Variants in SDK2 observed in about 807,000 individuals in gnomAD.
SDK2 encodes the protein sidekick cell adhesion molecule 2, also known as protein sidekick-2.
In SDK2, 105 loss-of-function variants were observed where a neutral mutation model predicts 253.9. That is an observed-to-expected ratio of 0.41 (90% CI 0.35 to 0.49). The LOEUF is 0.49. Among genes scored for constraint, SDK2 ranks in the 20% least tolerant of loss-of-function variants. The pLI is 0.06. For missense variants in SDK2, 2,608 were observed against 3,003.0 expected (o/e 0.87, Z 3.07); for synonymous variants, 1,249 against 1,234.9 (o/e 1.01, Z -0.24).
chr17:73,545,862 C>T (rs796826444), intron 1 of SDK2, among the ~76,000 whole-genome samples: 2 of 152,206 alleles, frequency 1.3e-5, no homozygotes, highest in East Asian at 1.9e-4. Flanking sequence ...GTCTCTGAGG[C>T]GGCTGGGGTC....
intron 41 of SDK2, among the ~76,000 whole-genome samples, chr17:73,351,112 C>CT (rs11320990): frequency 6.7e-4 from 98 of 146,066 alleles, no homozygotes; most frequent in African/African-American, 1.1e-3. Context: ...ACTTTTTCCC[C>CT]TTTTTTTTTT....
At chr17:73,396,832 G>C (rs968770415) in intron 24 of SDK2, among the ~76,000 whole-genome samples, 1 of 152,250 alleles carries the variant, frequency 6.6e-6, no homozygotes, top group Admixed American at 6.5e-5. Flanking sequence ...TGGGAGCAAA[G>C]AGGCAGGAGG....
chr17:73,550,258 G>C (rs957346313), intron 1 of SDK2, among the ~76,000 whole-genome samples: 6 of 152,160 alleles, frequency 3.9e-5, no homozygotes, highest in African/African-American at 1.4e-4. Flanking sequence ...GGAGCCTCTG[G>C]TTCTCCCCGG....
intron 1 of SDK2, among the ~76,000 whole-genome samples, chr17:73,566,279 G>A (rs1460311321): frequency 5.3e-5 from 8 of 151,394 alleles, no homozygotes. Context: ...TTCTTGTACA[G>A]CCTCCAGAAC....
chr17:73,362,876 C>G lies in SDK2; in HGVS notation c.5306-1031G>C, dbSNP rs115544623. Among the ~76,000 whole-genome samples, 1,142 of 152,310 alleles carry G rather than the reference C, an allele frequency of 7.5e-3. 17 individuals carry two copies. The highest frequency in any genetic ancestry group is 0.026 in the African/African-American group (1,083 of 41,570). On this transcript the variant is annotated intron_variant, in intron 38 of 44. Transcript: ENST00000392650. ...TGTCATTTCCCATGTCCATCGAGCA[C>G]GCCAGTCACCAGTGAAAGACAGGCC...
chr17:73,459,907 A>G (rs57149221), intron 3 of SDK2, among the ~76,000 whole-genome samples: 2,924 of 152,194 alleles, frequency 0.019, 108 homozygotes, highest in African/African-American at 0.065. Context: ...TTCCTCACAG[A>G]TTGTACTGAG....
At chr17:73,368,679 A>G in intron 36 of SDK2, 86 bp from the exon 37 acceptor site, 1 of 1,187,092 alleles carries the variant, frequency 8.4e-7, no homozygotes, top group Non-Finnish European at 1.2e-6. Flanking sequence ...TCTCAGAGAC[A>G]CCTTCATTGC....
rs1183887521 is a variant in SDK2, at chr17:73,334,839, T to G, written c.*3748A>C. On this transcript the variant is annotated 3_prime_UTR_variant, in exon 45 of 45. Transcript: ENST00000392650. ...TGGCGGCTGCTCAGATGGTCTCCCC[T>G]TTACCTTCCTGCCCACCAGCCCCTC... 1 of 152,440 alleles carries G rather than the reference T, an allele frequency of 6.6e-6. No homozygotes were observed. The highest frequency in any genetic ancestry group is 1.5e-5 in the Non-Finnish European group (1 of 68,264). 9.4% of individuals were successfully genotyped at this position (152,440 alleles called of 1,614,324 possible).
rs1039852246 is a variant in SDK2 at position 73,438,004 on chromosome 17, G to A, written c.876C>T (p.Ser292=). 35 of 1,550,976 alleles carry A rather than the reference G, an allele frequency of 2.3e-5. No homozygotes were observed. The highest frequency in any genetic ancestry group is 2.6e-5 in the Non-Finnish European group (30 of 1,146,810). Residue 292 remains serine (S), a synonymous_variant, in exon 7 of 45, where the codon AGC becomes AGT. Transcript: ENST00000392650. Reference sequence around the variant, plus strand: ...AGGCGCCCCGGACAACAGAGGGGACGCTGCTGCTGCGCAGGACAGCCTCAC... The same window carrying A: ...AGGCGCCCCGGACAACAGAGGGGACACTGCTGCTGCGCAGGACAGCCTCAC... ...YECEAVLRSS[S]VPSVVRGAYL...
chr17:73,345,175 T>G lies in SDK2; in HGVS notation c.6165+3424A>C, dbSNP rs138181630. Among the ~76,000 whole-genome samples the G allele has an allele frequency of 2.0e-5, 3 of 152,050 alleles. No homozygotes were observed. In the East Asian group the frequency reaches 5.8e-4, roughly 29 times the overall value. On this transcript the variant is annotated intron_variant, in intron 44 of 44. Transcript: ENST00000392650. ...CTTTACTAAAAATACAAAAATTAGC[T>G]TGGTGTGGTGGTAGGTGCCTGTAAT...
Position 73,431,982 on chromosome 17 carries a change from G to T in SDK2, c.1313-313C>A, listed in dbSNP as rs1347171091. ...GGGCGCAGTTTCCTGATGACGGTGA[G>T]CAGTAGCCCGGCACAGCCCTCAGAG... On this transcript the variant is annotated intron_variant, in intron 10 of 44. Coordinates refer to ENST00000392650, the MANE Select transcript of SDK2 (RefSeq NM_001144952.2). This position sits in a 1 kb window ranked among gnomAD's most constrained non-coding sequence, Gnocchi z 5.6. 6.6e-6 allele frequency among the ~76,000 whole-genome samples: 1 copy of T among 152,188 alleles called. No individual in the cohort carries two copies. The highest frequency in any genetic ancestry group is 1.5e-5 in the Non-Finnish European group (1 of 68,020).
At chr17:73,454,806 C>T (rs1320574162) in intron 4 of SDK2, among the ~76,000 whole-genome samples, 3 of 152,120 alleles carry the variant, frequency 2.0e-5, no homozygotes, top group Admixed American at 1.3e-4. Context: ...CAGGTTCAAG[C>T]GATTCTCCTG....
chr17:73,394,934 G>C (rs141755248), intron 25 of SDK2, among the ~76,000 whole-genome samples: 3 of 152,290 alleles, frequency 2.0e-5, no homozygotes, highest in East Asian at 3.9e-4. Context: ...GGATACCCCC[G>C]CCCCCCTTGG....
At position 73,358,086 on chromosome 17, in the gene SDK2, T is replaced by C. The variant is rs1281844987; in HGVS notation, c.5586A>G (p.Arg1862=). The C allele has an allele frequency of 1.9e-6, 3 of 1,612,842 alleles. No homozygotes were observed. The highest frequency in any genetic ancestry group is 1.7e-5 in the Admixed American group (1 of 59,792). ...CAGCAGGGCGGGGCGCACCTGAAGG[T>C]CTGGCCTCGATGACGTAGCGGGTGA... ...GPITRYVIEA[R]PSDEGLWDIL... Residue 1862 remains arginine (R), a synonymous_variant, in exon 40 of 45, where the codon AGA becomes AGG. Transcript: ENST00000392650.
chr17:73,640,662 G>A (rs370258485), intron 1 of SDK2, among the ~76,000 whole-genome samples: 2 of 152,230 alleles, frequency 1.3e-5, no homozygotes, highest in Middle Eastern at 3.4e-3. Flanking sequence ...CTTTCATCCC[G>A]CTCCCTTGTG....
In SDK2 at chr17:73,352,477, C is replaced by T. The variant is rs2062547301; in HGVS notation, c.5754G>A (p.Val1918=). The T allele has an allele frequency of 6.2e-7, 1 of 1,612,346 alleles. No homozygotes were observed. ...FGTPSSPSQS[V]PAQKANPFYE... is the part of the protein sequence containing the mutation. ...CCTCAGCCCCCAGGCCGGTACCTGG[C>T]ACAGACTGGGAGGGGCTGCTGGGGG... The change falls in exon 41 of 45, where the codon GTG becomes GTA. Residue 1918 remains valine (V), a synonymous_variant. Coordinates refer to ENST00000392650, the MANE Select transcript of SDK2 (RefSeq NM_001144952.2). The surrounding 1 kb of genome is among the most constrained non-coding windows in gnomAD (Gnocchi z 4.1).
At chr17:73,382,843 AACAACAACAACAACG>A (rs1272947579) in intron 33 of SDK2, among the ~76,000 whole-genome samples, 93 of 150,468 alleles carry the variant, frequency 6.2e-4, no homozygotes, top group African/African-American at 2.0e-3. Context: ...CTCTACTAAC[AACAACAACAACAACG>A]ACAACAACAA....
chr17:73,441,465 T>C (rs1166610032), intron 5 of SDK2, among the ~76,000 whole-genome samples: 2 of 152,112 alleles, frequency 1.3e-5, no homozygotes, highest in African/African-American at 4.8e-5. Flanking sequence ...TGGATCAGGG[T>C]GGGCTCAAGA....
intron 5 of SDK2, among the ~76,000 whole-genome samples, chr17:73,445,073 G>C (rs2063443870): frequency 6.6e-6 from 1 of 152,150 alleles, no homozygotes; most frequent in Non-Finnish European, 1.5e-5. Flanking sequence ...CTACTTTTCA[G>C]CTATAAATTT....
Sources: gnomAD v4.1 joint callset for allele counts (sites outside exome capture counted in the v4.1 genomes callset) on GRCh38, gnomAD v4.1.1 for gene constraint, Gnocchi (gnomAD v3.1) non-coding constraint, MANE v1.5 for transcripts, NCBI Gene and HGNC (gene_info 2026-07-23, HGNC 2026-07-21) for gene names.